SH3GL2: variants seen among roughly 807,000 people sequenced by gnomAD.
SH3GL2 encodes the protein SH3 domain containing GRB2 like 2, endophilin A1.
Under a neutral mutation model 46.0 loss-of-function variants are expected in SH3GL2, and 24 were observed. The observed-to-expected ratio is 0.52, with a 90% CI of 0.38 to 0.73. The LOEUF is 0.73. Among genes scored for constraint, SH3GL2 ranks in the 30% least tolerant of loss-of-function variants. The pLI, the probability that SH3GL2 is intolerant of heterozygous loss-of-function variation, is 0.00. For synonymous variants in SH3GL2, 196 were observed against 147.1 expected (o/e 1.33, Z -2.40); for missense variants, 413 against 424.2 (o/e 0.97, Z 0.23).
At chr9:17,775,977 G>T (rs1199002819) in intron 3 of SH3GL2, among the ~76,000 whole-genome samples, 1 of 152,158 alleles carries the variant, frequency 6.6e-6, no homozygotes, top group Non-Finnish European at 1.5e-5. Flanking sequence ...CCACTCTTGA[G>T]AATACAGCAA....
At chr9:17,706,739 G>A (rs1479745196) in intron 1 of SH3GL2, among the ~76,000 whole-genome samples, 1 of 151,918 alleles carries the variant, frequency 6.6e-6, no homozygotes, top group Non-Finnish European at 1.5e-5. Flanking sequence ...GTCCCTTAGA[G>A]TTTTGGATCT....
chr9:17,709,239 A>G (rs776811479), intron 1 of SH3GL2, among the ~76,000 whole-genome samples: 4 of 152,160 alleles, frequency 2.6e-5, no homozygotes, highest in Middle Eastern at 3.4e-3. Context: ...TTTGTATACT[A>G]CTTGTAAGAT....
intron 2 of SH3GL2, among the ~76,000 whole-genome samples, chr9:17,749,751 A>T (rs1231895879): frequency 6.6e-6 from 1 of 152,244 alleles, no homozygotes; most frequent in Non-Finnish European, 1.5e-5. Flanking sequence ...TGAGAAATAT[A>T]TGCCAGTTTT....
intron 5 of SH3GL2, among the ~76,000 whole-genome samples, chr9:17,787,756 A>G (rs973359015): frequency 6.6e-6 from 1 of 152,124 alleles, no homozygotes; most frequent in Non-Finnish European, 1.5e-5. Flanking sequence ...TTCATATTGA[A>G]TAGTTTTTTT....
chr9:17,690,297 G>A (rs1821043008), intron 1 of SH3GL2, among the ~76,000 whole-genome samples: 1 of 152,072 alleles, frequency 6.6e-6, no homozygotes. Flanking sequence ...CCCCGGGCGA[G>A]GCCTCAGGCA....
rs1013319640 is a variant in SH3GL2 at position 17,661,856 on chromosome 9, A to G, written c.45+82569A>G. 2.6e-5 allele frequency among the ~76,000 whole-genome samples: 4 copies of G among 152,328 alleles called. No individual in the cohort carries two copies. In the East Asian group the frequency reaches 5.8e-4, roughly 22 times the overall value. On this transcript the variant is annotated intron_variant, in intron 1 of 8. Coordinates refer to ENST00000380607, the MANE Select transcript of SH3GL2 (RefSeq NM_003026.5). The stretch of plus-strand genomic sequence containing the variant: ...CGTAATACTTATGTAACATAACTTA[A>G]TGAGCCTCACTTTCATTGAATGTAA...
At chr9:17,595,118 C>G (rs115300960) in intron 1 of SH3GL2, among the ~76,000 whole-genome samples, 2 of 152,100 alleles carry the variant, frequency 1.3e-5, no homozygotes, top group African/African-American at 4.8e-5. Flanking sequence ...AGCTGAAACA[C>G]AGAGGTGGTT....
intron 1 of SH3GL2, among the ~76,000 whole-genome samples, chr9:17,637,689 A>G (rs991461036): frequency 2.6e-5 from 4 of 152,200 alleles, no homozygotes; most frequent in Non-Finnish European, 5.9e-5. Context: ...CCTCCTCACC[A>G]GTAAGAGTGG....
At position 17,747,234 on chromosome 9, in the gene SH3GL2, T is replaced by C. The variant is rs1822717532; in HGVS notation, c.114+100T>C. 4.5e-6 allele frequency: 3 copies of C among 663,800 alleles called. No individual in the cohort carries two copies. In the African/African-American group the frequency reaches 5.5e-5, roughly 12 times the overall value. The allele number at this position is 663,800 out of a possible 1,614,324, so 41.1% of individuals were successfully genotyped here. ...GGAGAGGGCAACTGTTTTCCACTGGTCTCTGAGAATACTACATTTTGTTAT... is the reference window on the plus strand; with the variant it reads ...GGAGAGGGCAACTGTTTTCCACTGGCCTCTGAGAATACTACATTTTGTTAT... On this transcript the variant is annotated intron_variant, in intron 2 of 8. Coordinates refer to ENST00000380607, the MANE Select transcript of SH3GL2 (RefSeq NM_003026.5).
In SH3GL2 at chr9:17,795,747, G is replaced by A; in HGVS notation, c.*4G>A. The A allele has an allele frequency of 6.2e-7, 1 of 1,611,906 alleles. No homozygotes were observed. Among genetic ancestry groups the A allele is most frequent in the Non-Finnish European group, 8.5e-7 (1 of 1,178,416 alleles). ...TCTGGTTGCCCTGCCCCATTAGGAT[G>A]TTATGCTGGCTGGCTCGCCTCCTCT... On this transcript the variant is annotated 3_prime_UTR_variant, in exon 9 of 9. Transcript: ENST00000380607.
At chr9:17,644,817 G>A (rs1819766949) in intron 1 of SH3GL2, among the ~76,000 whole-genome samples, 1 of 152,120 alleles carries the variant, frequency 6.6e-6, no homozygotes, top group African/African-American at 2.4e-5. Flanking sequence ...GGGGTGGAGA[G>A]TTCTGTAGAT....
rs941321083 is a variant in SH3GL2, at chr9:17,795,643, C to G, written c.959C>G (p.Thr320Ser). 6.2e-6 allele frequency: 10 copies of G among 1,613,786 alleles called. No individual in the cohort carries two copies. The highest frequency in any genetic ancestry group is 1.3e-5 in the African/African-American group (1 of 74,930). Reference sequence around the variant, plus strand: ...AAAGAGGGCGATATCATCACACTCACTAACCAAATTGATGAGAACTGGTAT... The same window carrying G: ...AAAGAGGGCGATATCATCACACTCAGTAACCAAATTGATGAGAACTGGTAT... Reference protein sequence around the residue: ...GFKEGDIITLTNQIDENWYEG... With the variant: ...GFKEGDIITLSNQIDENWYEG... The change falls in exon 9 of 9, where the codon ACT becomes AGT. Residue 320 changes from threonine (T) to serine (S), a missense_variant. Transcript: ENST00000380607.
At chr9:17,622,384 T>G (rs960589824) in intron 1 of SH3GL2, among the ~76,000 whole-genome samples, 1 of 152,120 alleles carries the variant, frequency 6.6e-6, no homozygotes, top group African/African-American at 2.4e-5. Flanking sequence ...GGGGAATAAT[T>G]TCAGTAGCAT....
At chr9:17,760,465 TTATACTGGTATATACTGATATTA>T (rs1182129688) in intron 2 of SH3GL2, among the ~76,000 whole-genome samples, 13 of 152,028 alleles carry the variant, frequency 8.6e-5, no homozygotes, top group Non-Finnish European at 1.3e-4. Context: ...TATACTGATA[TTATACTGGTATATACTGATATTA>T]TATACTGGTA....
At chr9:17,640,514 G>A (rs538624744) in intron 1 of SH3GL2, among the ~76,000 whole-genome samples, 48 of 152,144 alleles carry the variant, frequency 3.2e-4, no homozygotes, top group African/African-American at 1.1e-3. Context: ...AACCAACAAC[G>A]TTGGTATGAT....
At chr9:17,603,960 T>C (rs989223904) in intron 1 of SH3GL2, among the ~76,000 whole-genome samples, 1 of 152,194 alleles carries the variant, frequency 6.6e-6, no homozygotes, top group African/African-American at 2.4e-5. Flanking sequence ...ATGTTACATA[T>C]ATTTTACTAC....
chr9:17,664,610 C>T lies in SH3GL2; in HGVS notation c.46-82456C>T, dbSNP rs565949062. Among the ~76,000 whole-genome samples, 315 of 151,884 alleles carry T rather than the reference C, an allele frequency of 2.1e-3. 2 individuals are homozygous for T. Among genetic ancestry groups the T allele is most frequent in the African/African-American group, 7.3e-3 (304 of 41,478 alleles). Reference sequence around the variant, plus strand: ...TTGAAAAACAAGTTTGACAAAAAAGCAAGTGATAGTGGCTCTACAAAATGT... The same window carrying T: ...TTGAAAAACAAGTTTGACAAAAAAGTAAGTGATAGTGGCTCTACAAAATGT... On this transcript the variant is annotated intron_variant, in intron 1 of 8. Transcript: ENST00000380607.
At chr9:17,768,799 T>A (rs1206870482) in intron 3 of SH3GL2, among the ~76,000 whole-genome samples, 2 of 152,198 alleles carry the variant, frequency 1.3e-5, no homozygotes, top group Non-Finnish European at 2.9e-5. Context: ...GTCGAAATCA[T>A]TTCTACTCCA....
At chr9:17,665,742 T>C (rs1187931725) in intron 1 of SH3GL2, among the ~76,000 whole-genome samples, 1 of 151,708 alleles carries the variant, frequency 6.6e-6, no homozygotes, top group Non-Finnish European at 1.5e-5. Context: ...TTCTTTTTAC[T>C]GGAGAGTGGT....
Sources: allele counts gnomAD v4.1 joint callset (sites outside exome capture counted in the v4.1 genomes callset), GRCh38; gene constraint gnomAD v4.1.1; transcripts MANE v1.5; gene names NCBI Gene and HGNC (gene_info 2026-07-23, HGNC 2026-07-21).